ZNF609: variants seen among roughly 807,000 people sequenced by gnomAD.
ZNF609 encodes zinc finger protein 609.
A neutral mutation model predicts 109.5 loss-of-function variants in ZNF609; 11 were observed. The ratio of observed to expected loss-of-function variants is 0.10; its 90% CI spans 0.06 to 0.17. The LOEUF (loss-of-function observed/expected upper bound fraction) is 0.17. Among genes scored for constraint, ZNF609 ranks in the 10% least tolerant of loss-of-function variants. ZNF609 has a pLI of 1.00. For missense variants in ZNF609, 1,559 were observed against 1,772.4 expected (o/e 0.88, Z 2.16); for synonymous variants, 646 against 662.0 (o/e 0.98, Z 0.37).
chr15:64,645,706 C>A (rs1681717051), intron 3 of ZNF609, among the ~76,000 whole-genome samples: 1 of 151,914 alleles, frequency 6.6e-6, no homozygotes, highest in South Asian at 2.1e-4. Flanking sequence ...CAACCTAATT[C>A]AAAAATGCGC....
chr15:64,677,547 A>C (rs991924090), intron 5 of ZNF609, among the ~76,000 whole-genome samples: 1 of 152,026 alleles, frequency 6.6e-6, no homozygotes, highest in South Asian at 2.1e-4. Context: ...TGGTCTCTCT[A>C]TTTTTTAGAG....
intron 3 of ZNF609, among the ~76,000 whole-genome samples, chr15:64,632,634 A>AC (rs1896102490): frequency 4.0e-5 from 6 of 151,432 alleles, no homozygotes. Context: ...CGCCTGGCTG[A>AC]TTTTTTTTGT....
chr15:64,662,741 C>G (rs2141005846), intron 3 of ZNF609, among the ~76,000 whole-genome samples: 1 of 152,236 alleles, frequency 6.6e-6, no homozygotes, highest in Non-Finnish European at 1.5e-5. Context: ...TCTCGGATCA[C>G]CACAACCTCT....
At chr15:64,528,824 A>G in intron 2 of ZNF609, 1 of 845,572 alleles carries the variant, frequency 1.2e-6, no homozygotes, top group Non-Finnish European at 2.0e-6. Context: ...GTTGAAGTCG[A>G]AGGAGACCAT....
intron 4 of ZNF609, chr15:64,671,149 G>T (rs1159146606): frequency 1.4e-5 from 2 of 146,606 alleles, no homozygotes; most frequent in African/African-American, 5.1e-5. Context: ...GGCGGAGCTT[G>T]CAGGGAGCCG....
intron 1 of ZNF609, among the ~76,000 whole-genome samples, chr15:64,476,381 A>G (rs1263065089): frequency 1.1e-4 from 17 of 152,092 alleles, no homozygotes; most frequent in Admixed American, 1.1e-3. Flanking sequence ...GTAATATATG[A>G]TATGGGGAAA....
intron 5 of ZNF609, among the ~76,000 whole-genome samples, chr15:64,676,788 C>CT (rs1896816488): frequency 6.6e-6 from 1 of 151,764 alleles, no homozygotes; most frequent in Admixed American, 6.6e-5. Context: ...GAGTCTGGCA[C>CT]TGTCACCCAG....
chr15:64,572,982 G>A (rs1278348900), intron 2 of ZNF609, among the ~76,000 whole-genome samples: 1 of 152,182 alleles, frequency 6.6e-6, no homozygotes, highest in African/African-American at 2.4e-5. Flanking sequence ...GGCTAGAAAA[G>A]CATGGACCTA....
chr15:64,541,733 A>C (rs375486447), intron 2 of ZNF609, among the ~76,000 whole-genome samples: 2 of 139,818 alleles, frequency 1.4e-5, no homozygotes, highest in African/African-American at 5.3e-5. Flanking sequence ...CCAGCTACTC[A>C]GGAGGCTGAG....
chr15:64,517,103 C>T (rs951723148), intron 2 of ZNF609, among the ~76,000 whole-genome samples: 18 of 152,120 alleles, frequency 1.2e-4, no homozygotes, highest in Non-Finnish European at 8.8e-5. Flanking sequence ...GGGCTGGGTA[C>T]GCTGGCTCAC....
At chr15:64,514,861 T>C (rs1054598657) in intron 2 of ZNF609, among the ~76,000 whole-genome samples, 4 of 152,142 alleles carry the variant, frequency 2.6e-5, no homozygotes, top group African/African-American at 9.7e-5. Flanking sequence ...GGCCCCAAAC[T>C]CCTAGTCTCA....
intron 2 of ZNF609, among the ~76,000 whole-genome samples, chr15:64,555,966 A>T (rs935537702): frequency 6.6e-6 from 1 of 150,762 alleles, no homozygotes; most frequent in Admixed American, 6.6e-5. Flanking sequence ...ATAATCCTAC[A>T]TGTAGCAATA....
chr15:64,491,968 G>T (rs896262236), intron 1 of ZNF609, among the ~76,000 whole-genome samples: 3 of 152,090 alleles, frequency 2.0e-5, no homozygotes, highest in African/African-American at 7.2e-5. Context: ...CGAGCCAGGC[G>T]TGGTGGCTCA....
chr15:64,641,996 T>C (rs1197613169), intron 3 of ZNF609, among the ~76,000 whole-genome samples: 2 of 152,148 alleles, frequency 1.3e-5, no homozygotes, highest in African/African-American at 4.8e-5. Flanking sequence ...GATCCATGAA[T>C]TGAGGATGAA....
At chr15:64,555,886 CAAAAAAAAAAAAAA>C (rs963732035) in intron 2 of ZNF609, among the ~76,000 whole-genome samples, 3 of 38,938 alleles carry the variant, frequency 7.7e-5, no homozygotes, top group African/African-American at 2.6e-4. Context: ...GACTCTGTCT[CAAAAAAAAAAAAAA>C]AAAAAAAAAA....
chr15:64,615,940 G>A (rs974909538), intron 2 of ZNF609, among the ~76,000 whole-genome samples: 3 of 152,110 alleles, frequency 2.0e-5, no homozygotes, highest in South Asian at 2.1e-4. Flanking sequence ...TCCTTCTTGC[G>A]TTTTTGTCTG....
intron 2 of ZNF609, among the ~76,000 whole-genome samples, chr15:64,599,168 GTTTTTTTT>G (rs556122154): frequency 4.7e-4 from 22 of 46,498 alleles, no homozygotes; most frequent in Non-Finnish European, 6.4e-4. Flanking sequence ...TTTTGTGGTG[GTTTTTTTT>G]TTTTTTTTTT....
chr15:64,518,944 A>AAAATAGAT (rs760104400), intron 2 of ZNF609, among the ~76,000 whole-genome samples: 1 of 152,122 alleles, frequency 6.6e-6, no homozygotes, highest in Non-Finnish European at 1.5e-5. Context: ...TAATGTAAGC[A>AAAATAGAT]AAATAGATTT....
intron 2 of ZNF609, among the ~76,000 whole-genome samples, chr15:64,525,769 G>T (rs1177219877): frequency 6.6e-6 from 1 of 151,050 alleles, no homozygotes; most frequent in African/African-American, 2.4e-5. Flanking sequence ...TGGTTTTAGT[G>T]TACAAATCTT....
Sources: allele counts gnomAD v4.1 joint callset (sites outside exome capture counted in the v4.1 genomes callset), GRCh38; gene constraint gnomAD v4.1.1; transcripts MANE v1.5; gene names NCBI Gene and HGNC (gene_info 2026-07-23, HGNC 2026-07-21).